PMPCB: variants seen among roughly 807,000 people sequenced by gnomAD.
PMPCB encodes peptidase, mitochondrial processing subunit beta.
In PMPCB, 46 loss-of-function variants were observed where a neutral mutation model predicts 61.5. The observed-to-expected ratio is 0.75, with a 90% confidence interval of 0.59 to 0.96. The LOEUF is 0.96. PMPCB is among the 40% of genes least tolerant of loss of function. The pLI, the probability that PMPCB is intolerant of heterozygous loss-of-function variation, is 0.00. For synonymous variants in PMPCB, 191 were observed against 201.6 expected, an observed-to-expected ratio of 0.95 and a Z score of 0.44; for missense variants, 590 against 602.4, an observed-to-expected ratio of 0.98 and a Z score of 0.22.
chr7:103,309,000 G>A lies in PMPCB; in HGVS notation c.898G>A (p.Val300Ile), dbSNP rs1266895708. 6 of 1,606,086 alleles carry A rather than the reference G, an allele frequency of 3.7e-6. No homozygotes were observed. The highest frequency in any genetic ancestry group is 1.7e-4 in the Middle Eastern group (1 of 6,040). The change falls in exon 8 of 13, where the codon GTT (valine) becomes ATT (isoleucine). Residue 300 changes from valine (V) to isoleucine (I), a missense_variant. Coordinates refer to ENST00000249269, the MANE Select transcript of PMPCB (RefSeq NM_004279.3). ...KMPLAHLAIAVEAVGWAHPDT... is the reference protein window; with the variant it reads ...KMPLAHLAIAIEAVGWAHPDT... ...GCCTTTGGCGCACCTTGCAATAGCT[G>A]TTGAAGCTGTTGGTTGGGCACATCC... is the stretch of plus-strand genomic sequence containing the variant.
intron 3 of PMPCB, 81 bp from the exon 4 acceptor site, chr7:103,300,097 C>T: frequency 1.5e-6 from 2 of 1,334,996 alleles, no homozygotes; most frequent in East Asian, 2.4e-5. Context: ...TAACTTATGT[C>T]CTCCATATTC....
At chr7:103,337,736 G>T in the PMPCB span, 1 of 1,610,398 alleles carries the variant, frequency 6.2e-7, no homozygotes, top group Non-Finnish European at 8.5e-7. Context: ...AAGTACTTAC[G>T]AGCTGCTTTG....
rs142492789 is a variant in PMPCB, at chr7:103,300,709, T to G, written c.457+402T>G. On this transcript the variant is annotated intron_variant, in intron 4 of 12. Transcript: ENST00000249269. The stretch of plus-strand genomic sequence containing the variant: ...AACTCATTATTTTTGTTTAGAGAGA[T>G]AGTCTCGCTCTGTCACCTAGGCTGG... Among the ~76,000 whole-genome samples, 578 of 152,292 alleles carry G rather than the reference T, an allele frequency of 3.8e-3. 4 individuals carry two copies. Among genetic ancestry groups the G allele is most frequent in the African/African-American group, 0.014 (565 of 41,562 alleles).
At chr7:103,310,545 C>A in intron 9 of PMPCB, 70 bp downstream of exon 9, 1 of 1,208,118 alleles carries the variant, frequency 8.3e-7, no homozygotes, top group Non-Finnish European at 1.2e-6. Context: ...TTTATTTATA[C>A]TTTATGGTGA....
chr7:103,337,405 CA>C, the PMPCB span: 1 of 188,022 alleles, frequency 5.3e-6, no homozygotes, highest in African/African-American at 2.3e-5. Flanking sequence ...AATAAAAAGG[CA>C]GTATCCACTA....
At chr7:103,322,932 G>A in intron 12 of PMPCB, 1 of 736,066 alleles carries the variant, frequency 1.4e-6, no homozygotes, top group Non-Finnish European at 2.1e-6. Flanking sequence ...ATTAAACAAT[G>A]ATTTTTTTTT....
downstream of PMPCB, among the ~76,000 whole-genome samples, chr7:103,315,169 ATTTTTT>A (rs35425130): frequency 0.011 from 1,608 of 146,858 alleles, 18 homozygotes; most frequent in Non-Finnish European, 0.018. Context: ...AAACCCTAAC[ATTTTTT>A]TTTTTTTTGA....
chr7:103,307,752 T>TG, intron 7 of PMPCB, 44 bp downstream of exon 7: 1 of 1,062,840 alleles, frequency 9.4e-7, no homozygotes, highest in Non-Finnish European at 1.5e-6. Context: ...TTGGATTCCT[T>TG]GTGTTGTATT....
downstream of PMPCB, among the ~76,000 whole-genome samples, chr7:103,331,040 C>T (rs571732747): frequency 6.6e-6 from 1 of 151,984 alleles, no homozygotes; most frequent in South Asian, 2.1e-4. Context: ...CTCACTGCAA[C>T]CTCCACCTCC....
At position 103,313,682 on chromosome 7, in the gene PMPCB, C is replaced by G. The variant is rs553416118; in HGVS notation, c.*1411C>G. 2.0e-6 allele frequency: 2 copies of G among 985,418 alleles called. No individual in the cohort carries two copies. The highest frequency in any genetic ancestry group is 2.4e-6 in the Non-Finnish European group (2 of 829,926). 61.0% of individuals were successfully genotyped at this position (985,418 alleles called of 1,614,324 possible). Reference sequence around the variant, plus strand: ...TTCTCTTCGTCACATCTGCTAAAATCTTGGGAGCCGATGCTGAACACTTCC... The same window carrying G: ...TTCTCTTCGTCACATCTGCTAAAATGTTGGGAGCCGATGCTGAACACTTCC... On this transcript the variant is annotated 3_prime_UTR_variant, in exon 13 of 13. Transcript: ENST00000249269.
In PMPCB at chr7:103,305,161, C is replaced by T. The variant is rs950796659; in HGVS notation, c.736+671C>T. ...ACTTCGTCCTTGTTCAAGCATGGAA[C>T]GGGTATGTTCATTCTTTGATTTGTT... On this transcript the variant is annotated intron_variant, in intron 6 of 12. Transcript: ENST00000249269. Among the ~76,000 whole-genome samples, 14 of 152,036 alleles carry T rather than the reference C, an allele frequency of 9.2e-5. 1 individual carries two copies. Among genetic ancestry groups the T allele is most frequent in the African/African-American group, 3.4e-4 (14 of 41,392 alleles).
the PMPCB span, among the ~76,000 whole-genome samples, chr7:103,342,519 G>C: frequency 1.3e-5 from 2 of 151,800 alleles, no homozygotes; most frequent in Non-Finnish European, 2.9e-5. Context: ...TGGTCAGCCT[G>C]GTCTCGAACT....
the PMPCB span, chr7:103,344,817 C>T: frequency 4.9e-6 from 3 of 612,566 alleles, no homozygotes; most frequent in East Asian, 8.2e-5. Context: ...GTCTCACACC[C>T]TCCCACCCCC....
rs760405765 is a variant in PMPCB, at chr7:103,303,927, G to A, written c.543G>A (p.Glu181=). 1.9e-6 allele frequency: 3 copies of A among 1,613,656 alleles called. No homozygotes were observed. The highest frequency in any genetic ancestry group is 2.5e-6 in the Non-Finnish European group (3 of 1,179,574). Residue 181 remains glutamate (E), a synonymous_variant, in exon 5 of 13, where the codon GAG becomes GAA. Coordinates refer to ENST00000249269, the MANE Select transcript of PMPCB (RefSeq NM_004279.3). ...GTGAGCGTGGAGTAATCCTTAGAGA[G>A]ATGCAGGAAGTTGAAACCAATTTAC... ...IERERGVILR[E]MQEVETNLQE... is the part of the protein sequence containing the mutation.
chr7:103,315,883 A>G (rs77819714), downstream of PMPCB: 7,899 of 1,589,836 alleles, frequency 5.0e-3, 324 homozygotes, highest in African/African-American at 0.089. Context: ...TGAGAAATGA[A>G]AAAAATTTAA....
At chr7:103,321,923 CT>C (rs1389107043) in intron 12 of PMPCB, 7 of 1,611,014 alleles carry the variant, frequency 4.3e-6, no homozygotes, top group Non-Finnish European at 5.9e-6. Flanking sequence ...TTTGTTCAGT[CT>C]GATATACCTT....
intron 4 of PMPCB, among the ~76,000 whole-genome samples, chr7:103,302,729 T>C (rs992788686): frequency 2.0e-5 from 3 of 152,144 alleles, no homozygotes; most frequent in Admixed American, 1.3e-4. Flanking sequence ...CAACAACAGT[T>C]TGTAGTAGAG....
At chr7:103,297,813 C>T in intron 1 of PMPCB, 1 of 1,522,332 alleles carries the variant, frequency 6.6e-7, no homozygotes, top group Non-Finnish European at 8.8e-7. Context: ...CTGAGGAGTG[C>T]ATGTTTGACC....
At chr7:103,299,774 T>TA (rs1433004769) in intron 3 of PMPCB, among the ~76,000 whole-genome samples, 1 of 152,200 alleles carries the variant, frequency 6.6e-6, no homozygotes, top group Non-Finnish European at 1.5e-5. Flanking sequence ...TATTTTTTTT[T>TA]ATTTAATTTT....
Sources: allele counts gnomAD v4.1 joint callset (sites outside exome capture counted in the v4.1 genomes callset), GRCh38; gene constraint gnomAD v4.1.1; transcripts MANE v1.5; gene names NCBI Gene and HGNC (gene_info 2026-07-23, HGNC 2026-07-21).